Variants in CSMD1 observed in about 807,000 individuals in gnomAD.
The protein encoded by CSMD1 is CUB and Sushi multiple domains 1.
Under a neutral mutation model 417.5 loss-of-function variants are expected in CSMD1, and 213 were observed. The ratio of observed to expected loss-of-function variants is 0.51; its 90% CI spans 0.46 to 0.57. The LOEUF is 0.57. CSMD1 is among the 20% of genes least tolerant of loss of function. The pLI is 0.00. For synonymous variants in CSMD1, 2,862 were observed against 1,736.8 expected, an observed-to-expected ratio of 1.65 and a Z score of -16.11; for missense variants, 6,923 against 4,529.7, an observed-to-expected ratio of 1.53 and a Z score of -15.17.
intron 5 of CSMD1, among the ~76,000 whole-genome samples, chr8:3,790,379 T>A (rs1394122460): frequency 2.0e-5 from 3 of 152,122 alleles, no homozygotes; most frequent in African/African-American, 7.2e-5. Context: ...GTGATGGTTA[T>A]GATGATGGTG....
rs186400562 is a variant in CSMD1 at position 2,971,903 on chromosome 8, C to G, written c.8923+1214G>C. On this transcript the variant is annotated intron_variant, in intron 57 of 69. Transcript: ENST00000635120. Reference sequence around the variant, plus strand: ...TTAAGATTTATACTACTTTGATTGTCAAGAGGCAATTCAGAGTAAAAAATT... The same window carrying G: ...TTAAGATTTATACTACTTTGATTGTGAAGAGGCAATTCAGAGTAAAAAATT... 9.5e-4 allele frequency among the ~76,000 whole-genome samples: 145 copies of G among 152,090 alleles called. 1 individual carries two copies. Among genetic ancestry groups the G allele is most frequent in the African/African-American group, 3.2e-3 (134 of 41,500 alleles).
intron 7 of CSMD1, among the ~76,000 whole-genome samples, chr8:3,700,062 C>T (rs1377431780): frequency 1.3e-5 from 2 of 152,120 alleles, no homozygotes; most frequent in African/African-American, 2.4e-5. Context: ...AGAAAATATG[C>T]CTGTCCTCAT....
At chr8:4,288,852 A>T (rs1339651200) in intron 3 of CSMD1, among the ~76,000 whole-genome samples, 1 of 152,222 alleles carries the variant, frequency 6.6e-6, no homozygotes, top group Non-Finnish European at 1.5e-5. Flanking sequence ...ATAGGATACC[A>T]GTATGCTATG....
In CSMD1 at chr8:4,096,960, G is replaced by C. The variant is rs370117543; in HGVS notation, c.416-64861C>G. On this transcript the variant is annotated intron_variant, in intron 3 of 69. Transcript: ENST00000635120. ...AAAAACAAACGCCATTTAGATGTGTGAGCCAGTGAGTAAATTCAAAGGGAT... is the reference window on the plus strand; with the variant it reads ...AAAAACAAACGCCATTTAGATGTGTCAGCCAGTGAGTAAATTCAAAGGGAT... Among the ~76,000 whole-genome samples, 7 of 152,282 alleles carry C rather than the reference G, an allele frequency of 4.6e-5. No individual in the cohort carries two copies. The East Asian group carries it at 1.4e-3, about 29-fold the overall frequency.
chr8:4,972,311 C>A (rs1029959258), intron 1 of CSMD1, among the ~76,000 whole-genome samples: 1 of 151,258 alleles, frequency 6.6e-6, no homozygotes, highest in African/African-American at 2.5e-5. Flanking sequence ...ATTGTAATCC[C>A]CTACTCCCGA....
chr8:4,728,022 T>A (rs973486974), intron 1 of CSMD1, among the ~76,000 whole-genome samples: 2 of 146,396 alleles, frequency 1.4e-5, no homozygotes, highest in Non-Finnish European at 3.0e-5. Context: ...TATATATATA[T>A]TTTTTCTATT....
chr8:4,073,568 C>T (rs954113603), intron 3 of CSMD1, among the ~76,000 whole-genome samples: 18 of 152,166 alleles, frequency 1.2e-4, no homozygotes, highest in East Asian at 3.9e-4. Flanking sequence ...ATTAATCCTA[C>T]AGTATGAGGG....
chr8:3,729,857 A>T (rs1802719607), intron 6 of CSMD1, among the ~76,000 whole-genome samples: 1 of 148,572 alleles, frequency 6.7e-6, no homozygotes, highest in South Asian at 2.2e-4. Context: ...CATGTATTGA[A>T]GCACGTATCA....
chr8:4,899,479 G>A (rs942388866), intron 1 of CSMD1, among the ~76,000 whole-genome samples: 1 of 152,102 alleles, frequency 6.6e-6, no homozygotes, highest in African/African-American at 2.4e-5. Flanking sequence ...CAATTAAAGA[G>A]AAGAAATCCC....
intron 5 of CSMD1, among the ~76,000 whole-genome samples, chr8:3,778,401 TA>T (rs1475621176): frequency 6.6e-6 from 1 of 152,134 alleles, no homozygotes; most frequent in East Asian, 1.9e-4. Context: ...AACAAATAAA[TA>T]AAAAGATTCA....
At chr8:4,920,288 A>C (rs573195003) in intron 1 of CSMD1, among the ~76,000 whole-genome samples, 1 of 152,336 alleles carries the variant, frequency 6.6e-6, no homozygotes, top group South Asian at 2.1e-4. Context: ...TGAGCGATCC[A>C]AGGCAGTTCA....
intron 3 of CSMD1, among the ~76,000 whole-genome samples, chr8:4,346,014 C>T (rs568074806): frequency 1.2e-4 from 19 of 152,180 alleles, no homozygotes; most frequent in Non-Finnish European, 1.8e-4. Context: ...TATAAAATAA[C>T]GGAATATTAC....
intron 5 of CSMD1, among the ~76,000 whole-genome samples, chr8:3,941,574 A>T (rs1284156895): frequency 6.6e-6 from 1 of 152,136 alleles, no homozygotes; most frequent in African/African-American, 2.4e-5. Flanking sequence ...ATATTTTACT[A>T]CCTACACATT....
chr8:4,771,724 G>T (rs1796606822), intron 1 of CSMD1, among the ~76,000 whole-genome samples: 1 of 152,352 alleles, frequency 6.6e-6, no homozygotes, highest in East Asian at 1.9e-4. Context: ...GGCTAGCGGA[G>T]GGAGAAGTCT....
intron 4 of CSMD1, among the ~76,000 whole-genome samples, chr8:4,022,199 T>TATATAA (rs542506514): frequency 6.7e-6 from 1 of 148,182 alleles, no homozygotes; most frequent in Admixed American, 6.8e-5. Context: ...TATATATATA[T>TATATAA]AACAATAGCA....
chr8:4,647,832 T>G (rs1803635730), intron 1 of CSMD1, among the ~76,000 whole-genome samples: 1 of 152,232 alleles, frequency 6.6e-6, no homozygotes, highest in Admixed American at 6.5e-5. Context: ...GGCGTTTGGG[T>G]TGGTTCCAAG....
chr8:3,533,043 T>A (rs1212572337), intron 10 of CSMD1, among the ~76,000 whole-genome samples: 1 of 152,216 alleles, frequency 6.6e-6, no homozygotes, highest in East Asian at 1.9e-4. Context: ...CAAAGATGTC[T>A]AAAATACTTT....
At chr8:4,545,076 A>G (rs991807368) in intron 2 of CSMD1, among the ~76,000 whole-genome samples, 1 of 152,236 alleles carries the variant, frequency 6.6e-6, no homozygotes, top group Non-Finnish European at 1.5e-5. Context: ...ATATGTGTGT[A>G]TGATGTATAT....
intron 2 of CSMD1, among the ~76,000 whole-genome samples, chr8:4,544,255 A>G (rs1239203800): frequency 1.3e-5 from 2 of 152,102 alleles, no homozygotes; most frequent in African/African-American, 2.4e-5. Context: ...CGCATTTCAT[A>G]TTTAGGTCTA....
Sources: gnomAD v4.1 joint callset for allele counts (sites outside exome capture counted in the v4.1 genomes callset) on GRCh38, gnomAD v4.1.1 for gene constraint, MANE v1.5 for transcripts, NCBI Gene and HGNC (gene_info 2026-07-23, HGNC 2026-07-21) for gene names.